Variants in ADGRD2 observed in about 807,000 individuals in gnomAD.
ADGRD2 encodes G protein-coupled receptor PGR24.
ADGRD2 carries 71 observed loss-of-function variants against 44.4 expected under a neutral mutation model. The ratio of observed to expected loss-of-function variants is 1.60; its 90% CI spans 1.32 to 1.95. The LOEUF (loss-of-function observed/expected upper bound fraction) is 1.95, where lower values mean the gene tolerates loss of function less well. Among genes scored for constraint, ADGRD2 ranks in the 30% most tolerant of loss-of-function variants. The pLI is 0.00. For missense variants in ADGRD2, 1,039 were observed against 512.4 expected (o/e 2.03, Z -9.92); for synonymous variants, 481 against 224.8 (o/e 2.14, Z -10.19).
intron 6 of ADGRD2, among the ~76,000 whole-genome samples, chr9:124,455,365 T>C (rs896151868): frequency 1.3e-5 from 2 of 151,572 alleles, no homozygotes; most frequent in Non-Finnish European, 3.0e-5. Context: ...TTGAGGCGGG[T>C]GGATCACTTG....
chr9:124,455,156 G>T lies in ADGRD2; in HGVS notation c.1393+29G>T, dbSNP rs1162333485. 6 of 663,214 alleles carry T rather than the reference G, an allele frequency of 9.0e-6. No individual in the cohort carries two copies. In the Admixed American group the frequency reaches 1.3e-4, roughly 14 times the overall value. 41.1% of individuals were successfully genotyped at this position (663,214 alleles called of 1,614,324 possible). A position where few individuals can be genotyped will look rare whatever the true frequency, so the allele number is the denominator to read the frequency against. ...AGGCTGGCAGGGCTGGGTGGGGCAG[G>T]GGCCTGGGCTATGGTTCCAGCCTAG... On this transcript the variant is annotated intron_variant, in intron 6 of 21. Coordinates refer to ENST00000334810, the Ensembl canonical transcript of ADGRD2.
chr9:124,470,703 G>T, intron 17 of ADGRD2, 89 bp downstream of exon 20: 2 of 619,680 alleles, frequency 3.2e-6, no homozygotes, highest in East Asian at 5.6e-5. Context: ...CTGGGAGGGT[G>T]AGCTCTCCAT....
exon 8 of ADGRD2, chr9:124,457,512 G>A (rs959679618): frequency 1.5e-6 from 1 of 682,268 alleles, no homozygotes; most frequent in Admixed American, 2.1e-5. Flanking sequence ...AGGCCAGCAC[G>A]AGGGGCTGCT....
At chr9:124,463,907 A>G (rs973130119) in intron 10 of ADGRD2, among the ~76,000 whole-genome samples, 3 of 152,068 alleles carry the variant, frequency 2.0e-5, no homozygotes, top group African/African-American at 7.2e-5. Context: ...GCACCATCAC[A>G]GCTCACTGCG....
At chr9:124,474,549 G>A (rs2131261148) in intron 17 of ADGRD2, among the ~76,000 whole-genome samples, 1 of 152,256 alleles carries the variant, frequency 6.6e-6, no homozygotes, top group East Asian at 1.9e-4. Flanking sequence ...GACACCAGGG[G>A]GACCAGTCAG....
chr9:124,456,460 C>T (rs992317053), intron 6 of ADGRD2, among the ~76,000 whole-genome samples, 162 bp from the exon 10 acceptor site: 3 of 152,182 alleles, frequency 2.0e-5, no homozygotes, highest in Middle Eastern at 3.2e-3. Flanking sequence ...CAAATGTCAA[C>T]CTGAGGACCC....
chr9:124,459,965 A>G (rs2131238973), intron 10 of ADGRD2, among the ~76,000 whole-genome samples: 1 of 152,236 alleles, frequency 6.6e-6, no homozygotes, highest in Middle Eastern at 3.4e-3. Flanking sequence ...CTGACGTGGA[A>G]AGATCTCCAA....
Position 124,475,683 on chromosome 9 carries a change from C to T in ADGRD2, c.2845+68C>T, listed in dbSNP as rs750450514. 24 of 590,708 alleles carry T rather than the reference C, an allele frequency of 4.1e-5. No homozygotes were observed. In the South Asian group the frequency reaches 4.7e-4, roughly 12 times the overall value. 36.6% of individuals were successfully genotyped at this position (590,708 alleles called of 1,614,324 possible). A position where few individuals can be genotyped will look rare whatever the true frequency, so the allele number is the denominator to read the frequency against. ...CAGAGCCAGGTCCCAGCCCCCATAT[C>T]CTCTCCTTTAAGTCCCGTGCCAGCC... On this transcript the variant is annotated intron_variant, in intron 19 of 21. Transcript: ENST00000334810.
chr9:124,472,853 A>G (rs866683400), intron 17 of ADGRD2, among the ~76,000 whole-genome samples: 16 of 152,166 alleles, frequency 1.1e-4, no homozygotes, highest in African/African-American at 3.4e-4. Context: ...CTCCCTGTGC[A>G]TGACACTCTC....
Position 124,474,014 on chromosome 9 carries a change from G to A in ADGRD2, c.2759-1432G>A, listed in dbSNP as rs540345513. 2.6e-5 allele frequency among the ~76,000 whole-genome samples: 4 copies of A among 152,192 alleles called. No homozygotes were observed. The East Asian group carries it at 7.7e-4, about 29-fold the overall frequency. ...GACTTGGCCAGGTGTGGTGGCTCAC[G>A]CCTGTAATCCCAGCACTTTGGGAGG... On this transcript the variant is annotated intron_variant, in intron 17 of 21. Coordinates refer to ENST00000334810, the Ensembl canonical transcript of ADGRD2.
chr9:124,469,227 C>T, exon 15 of ADGRD2: 1 of 714,162 alleles, frequency 1.4e-6, no homozygotes. Flanking sequence ...CCCAGGCGTG[C>T]CTGTGGGCAT....
rs957818859 is a variant in ADGRD2 at position 124,454,367 on chromosome 9, C to T, written c.1023-117C>T. The T allele has an allele frequency of 6.4e-6, 4 of 628,794 alleles. No homozygotes were observed. In the African/African-American group the frequency reaches 7.2e-5, roughly 11 times the overall value. 39.0% of individuals were successfully genotyped at this position (628,794 alleles called of 1,614,324 possible). The stretch of plus-strand genomic sequence containing the variant: ...GTGTGTAAGACTCTGGACACACAGC[C>T]ATCAAGGTGCTCTTCCTTCCCTGGG... On this transcript the variant is annotated intron_variant, in intron 4 of 21. Transcript: ENST00000334810. This position sits in a 1 kb window ranked among gnomAD's most constrained non-coding sequence, Gnocchi z 4.5.
chr9:124,458,631 G>A (rs1831664256), exon 10 of ADGRD2: 1 of 718,846 alleles, frequency 1.4e-6, no homozygotes, highest in Non-Finnish European at 2.6e-6. Context: ...TAAGCACCCA[G>A]GTGGGGTCAG....
chr9:124,455,154 AG>A (rs1430022155), intron 6 of ADGRD2, 27 bp downstream of exon 9: 2 of 607,244 alleles, frequency 3.3e-6, no homozygotes, highest in Non-Finnish European at 3.1e-6. Flanking sequence ...TGGGTGGGGC[AG>A]GGGCCTGGGC....
At chr9:124,472,436 T>TTTTG (rs968774450) in intron 17 of ADGRD2, among the ~76,000 whole-genome samples, 26 of 151,668 alleles carry the variant, frequency 1.7e-4, no homozygotes, top group African/African-American at 4.4e-4. Flanking sequence ...TGGTTTGTTT[T>TTTTG]TTTGTTTGTT....
intron 17 of ADGRD2, among the ~76,000 whole-genome samples, chr9:124,473,176 G>C (rs1831985220): frequency 6.6e-6 from 1 of 152,208 alleles, no homozygotes; most frequent in Admixed American, 6.5e-5. Flanking sequence ...TTGGGCATAA[G>C]CTAGGTACAT....
exon 10 of ADGRD2, chr9:124,458,683 A>T (rs1354399633): frequency 1.4e-6 from 1 of 718,656 alleles, no homozygotes. Flanking sequence ...TGGAGAGGTC[A>T]ACGTGGCCAT....
At position 124,454,066 on chromosome 9, in the gene ADGRD2, GC is replaced by G. The variant is rs1040344234; in HGVS notation, c.993del (p.Pro332ArgfsTer87). 9.8e-6 allele frequency: 7 copies of G among 713,758 alleles called. No individual in the cohort carries two copies. Among genetic ancestry groups the G allele is most frequent in the African/African-American group, 1.8e-5 (1 of 57,084 alleles). 44.2% of individuals were successfully genotyped at this position (713,758 alleles called of 1,614,324 possible). On this transcript the variant is annotated frameshift_variant, in exon 4 of 22. Transcript: ENST00000334810. LOFTEE classifies it high-confidence loss of function. This position sits in a 1 kb window ranked among gnomAD's most constrained non-coding sequence, Gnocchi z 4.5. ...GTGAGGGCTCTGAGCTCTGCCTGGAGCCGCAGCCCTTCCTCTGCTGCTACCG... is the reference window on the plus strand; with the variant it reads ...GTGAGGGCTCTGAGCTCTGCCTGGAGCGCAGCCCTTCCTCTGCTGCTACCG...
intron 10 of ADGRD2, among the ~76,000 whole-genome samples, chr9:124,461,401 T>G (rs1831719940): frequency 6.6e-6 from 1 of 152,254 alleles, no homozygotes. Flanking sequence ...TCAAAGAAGT[T>G]TATCACTTTA....
Sources: allele counts gnomAD v4.1 joint callset (sites outside exome capture counted in the v4.1 genomes callset), GRCh38; gene constraint gnomAD v4.1.1; non-coding constraint Gnocchi (gnomAD v3.1); transcripts MANE v1.5; gene names NCBI Gene and HGNC (gene_info 2026-07-23, HGNC 2026-07-21).